The following HCRTR2 variants were observed in gnomAD, a reference collection of about 807,000 sequenced individuals.
HCRTR2 encodes the protein orexin receptor type 2.
In HCRTR2, 22 loss-of-function variants were observed where a neutral mutation model predicts 49.0. That is an observed-to-expected ratio of 0.45 (90% CI 0.32 to 0.64). The LOEUF (loss-of-function observed/expected upper bound fraction) is 0.64, where lower values mean the gene tolerates loss of function less well. Among genes scored for constraint, HCRTR2 ranks in the 30% least tolerant of loss-of-function variants. The pLI, the probability that HCRTR2 is intolerant of heterozygous loss-of-function variation, is 0.04. For missense variants in HCRTR2, 491 were observed against 559.4 expected (o/e 0.88, Z 1.23); for synonymous variants, 236 against 205.3 (o/e 1.15, Z -1.28).
chr6:55,265,812 G>A (rs1766850056), intron 4 of HCRTR2, among the ~76,000 whole-genome samples: 1 of 152,088 alleles, frequency 6.6e-6, no homozygotes, highest in African/African-American at 2.4e-5. Context: ...TTAAATTTTT[G>A]TGACTCCCTT....
At chr6:55,273,530 G>GCCAC in intron 4 of HCRTR2, among the ~76,000 whole-genome samples, 1 of 151,914 alleles carries the variant, frequency 6.6e-6, no homozygotes, top group South Asian at 2.1e-4. Context: ...CTCACTAACC[G>GCCAC]CCACCTCCAC....
upstream of HCRTR2, chr6:55,174,183 T>A: frequency 3.3e-5 from 6 of 182,308 alleles, no homozygotes; most frequent in East Asian, 1.7e-4. Flanking sequence ...ATTAAATTAG[T>A]TTTCATTACT....
chr6:55,174,381 C>A, upstream of HCRTR2: 1 of 604,734 alleles, frequency 1.7e-6, no homozygotes, highest in Non-Finnish European at 3.0e-6. Context: ...CCCGGTGCAA[C>A]ATCGCCTGTA....
chr6:55,106,865 C>A (rs958296054), intron 1 of HCRTR2, among the ~76,000 whole-genome samples: 1 of 152,048 alleles, frequency 6.6e-6, no homozygotes, highest in Admixed American at 6.6e-5. Context: ...TTGCTCATAT[C>A]ACTCATGTAG....
intron 1 of HCRTR2, among the ~76,000 whole-genome samples, chr6:55,212,076 C>T (rs1047691913): frequency 2.6e-5 from 4 of 152,250 alleles, no homozygotes; most frequent in African/African-American, 9.6e-5. Flanking sequence ...AAAGAAATAC[C>T]TGTCTTTCTC....
chr6:55,181,047 C>G (rs1306262303), intron 1 of HCRTR2, among the ~76,000 whole-genome samples: 1 of 150,174 alleles, frequency 6.7e-6, no homozygotes, highest in Non-Finnish European at 1.5e-5. Flanking sequence ...CCCTTGTTAT[C>G]TACCCACCTC....
intron 1 of HCRTR2, among the ~76,000 whole-genome samples, chr6:55,150,616 T>C (rs11969801): frequency 0.27 from 41,148 of 151,940 alleles, 6,478 homozygotes; most frequent in Middle Eastern, 0.45. Context: ...CTGGCTTATT[T>C]CCCTAAGCAT....
chr6:55,198,453 T>C (rs1382501888), intron 1 of HCRTR2, among the ~76,000 whole-genome samples: 1 of 152,180 alleles, frequency 6.6e-6, no homozygotes, highest in African/African-American at 2.4e-5. Context: ...ACCCTCACCC[T>C]ACACAAAATC....
chr6:55,181,134 C>T (rs1201941209), intron 1 of HCRTR2, among the ~76,000 whole-genome samples: 1 of 145,918 alleles, frequency 6.9e-6, no homozygotes, highest in Non-Finnish European at 1.5e-5. Context: ...TATCACCGGA[C>T]AGTGTTCCTG....
intron 1 of HCRTR2, among the ~76,000 whole-genome samples, chr6:55,200,666 A>G (rs1178771788): frequency 3.9e-5 from 6 of 152,186 alleles, no homozygotes; most frequent in Admixed American, 3.3e-4. Context: ...CTTATTCACT[A>G]AATTAAAAAC....
At chr6:55,178,540 C>T (rs1765079094) in intron 1 of HCRTR2, among the ~76,000 whole-genome samples, 1 of 152,174 alleles carries the variant, frequency 6.6e-6, no homozygotes, top group South Asian at 2.1e-4. Context: ...CACATAGACA[C>T]TAATTAATGT....
At chr6:55,138,022 G>A (rs116646497) in intron 1 of HCRTR2, among the ~76,000 whole-genome samples, 1 of 152,230 alleles carries the variant, frequency 6.6e-6, no homozygotes, top group African/African-American at 2.4e-5. Context: ...CAGGAAGGGA[G>A]AACGGGATAT....
intron 1 of HCRTR2, among the ~76,000 whole-genome samples, chr6:55,243,767 C>T (rs1002974030): frequency 2.0e-5 from 3 of 151,640 alleles, no homozygotes; most frequent in African/African-American, 2.4e-5. Flanking sequence ...CCTTTGTGCC[C>T]GTAGAGAGAT....
intron 1 of HCRTR2, among the ~76,000 whole-genome samples, chr6:55,217,924 CA>C (rs1765818715): frequency 6.6e-6 from 1 of 152,126 alleles, no homozygotes; most frequent in Admixed American, 6.5e-5. Context: ...TCCAGAGAGA[CA>C]AAACCAATGG....
At chr6:55,243,218 A>C (rs958950064) in intron 1 of HCRTR2, among the ~76,000 whole-genome samples, 1 of 152,212 alleles carries the variant, frequency 6.6e-6, no homozygotes, top group African/African-American at 2.4e-5. Context: ...GAATTCACTG[A>C]ATCTGCATTC....
intron 1 of HCRTR2, among the ~76,000 whole-genome samples, chr6:55,153,683 C>T (rs1764692391): frequency 6.6e-6 from 1 of 151,838 alleles, no homozygotes; most frequent in African/African-American, 2.4e-5. Flanking sequence ...TTCAAATTTG[C>T]TTTGGTCATT....
intron 4 of HCRTR2, among the ~76,000 whole-genome samples, chr6:55,271,549 A>C (rs1199500822): frequency 8.5e-5 from 13 of 152,142 alleles, no homozygotes; most frequent in Non-Finnish European, 1.9e-4. Flanking sequence ...TTATCAAAAC[A>C]AAAACTTTTG....
At chr6:55,124,154 T>C (rs1764241901) in intron 1 of HCRTR2, among the ~76,000 whole-genome samples, 1 of 152,204 alleles carries the variant, frequency 6.6e-6, no homozygotes, top group African/African-American at 2.4e-5. Flanking sequence ...TGTCTTCTGC[T>C]AGCTTTTGAA....
At chr6:55,239,030 A>T (rs1766268918) in intron 1 of HCRTR2, among the ~76,000 whole-genome samples, 1 of 152,160 alleles carries the variant, frequency 6.6e-6, no homozygotes, top group South Asian at 2.1e-4. Context: ...ATGCATTTCT[A>T]AGACATCACA....
Sources: gnomAD v4.1 joint callset for allele counts (sites outside exome capture counted in the v4.1 genomes callset) on GRCh38, gnomAD v4.1.1 for gene constraint, MANE v1.5 for transcripts, NCBI Gene and HGNC (gene_info 2026-07-23, HGNC 2026-07-21) for gene names.